VPS13A: variants seen among roughly 807,000 people sequenced by gnomAD.
VPS13A encodes the protein vacuolar protein sorting 13 homolog A.
In VPS13A, 264 loss-of-function variants were observed where a neutral mutation model predicts 390.9. The ratio of observed to expected loss-of-function variants is 0.68; its 90% CI spans 0.61 to 0.75. VPS13A has a LOEUF of 0.75. Among genes scored for constraint, VPS13A ranks in the 30% least tolerant of loss-of-function variants. The pLI, the probability that VPS13A is intolerant of heterozygous loss-of-function variation, is 0.00. For synonymous variants in VPS13A, 1,231 were observed against 1,227.1 expected (o/e 1.00, Z -0.07); for missense variants, 3,409 against 3,733.9 (o/e 0.91, Z 2.27).
intron 19 of VPS13A, among the ~76,000 whole-genome samples, chr9:77,246,687 G>A (rs1824834688): frequency 6.6e-6 from 1 of 152,052 alleles, no homozygotes; most frequent in African/African-American, 2.4e-5. Flanking sequence ...GATGAATTTG[G>A]TATACTAATC....
Position 77,351,457 on chromosome 9 carries a change from G to T in VPS13A, c.7419+11G>T. ...GTAACACAGAAGGATGTAAGTATTG[G>T]GTTATTATGGTGTTCCCAGCAGCCT... On this transcript the variant is annotated intron_variant, in intron 53 of 71. Coordinates refer to ENST00000360280, the MANE Select transcript of VPS13A (RefSeq NM_033305.3). The T allele has an allele frequency of 6.2e-7, 1 of 1,612,014 alleles. No individual in the cohort carries two copies. Among genetic ancestry groups the T allele is most frequent in the South Asian group, 1.1e-5 (1 of 91,054 alleles).
intron 68 of VPS13A, among the ~76,000 whole-genome samples, chr9:77,395,252 T>C (rs544204862): frequency 2.0e-5 from 3 of 152,284 alleles, no homozygotes; most frequent in South Asian, 2.1e-4. Flanking sequence ...GGGCTGTTAA[T>C]TGGCCTAATT....
intron 54 of VPS13A, among the ~76,000 whole-genome samples, chr9:77,354,329 G>A (rs1831639015): frequency 6.6e-6 from 1 of 151,788 alleles, no homozygotes; most frequent in Non-Finnish European, 1.5e-5. Context: ...ACCTCTTATT[G>A]AATTGAATCA....
chr9:77,314,144 G>A (rs765794107), intron 36 of VPS13A, 25 bp downstream of exon 36: 23 of 1,611,018 alleles, frequency 1.4e-5, no homozygotes, highest in Non-Finnish European at 1.7e-5. Flanking sequence ...AAAAGAAAAT[G>A]TATTTTCACA....
intron 10 of VPS13A, among the ~76,000 whole-genome samples, chr9:77,217,430 A>C (rs1822925410): frequency 6.6e-6 from 1 of 152,130 alleles, no homozygotes; most frequent in Admixed American, 6.5e-5. Flanking sequence ...CATTGTCCCC[A>C]TTAAGTAATT....
chr9:77,289,717 T>C (rs1827539402), intron 31 of VPS13A, among the ~76,000 whole-genome samples: 1 of 152,192 alleles, frequency 6.6e-6, no homozygotes, highest in Non-Finnish European at 1.5e-5. Context: ...ATTGCAACTC[T>C]TTCTGTAACT....
intron 1 of VPS13A, among the ~76,000 whole-genome samples, chr9:77,181,113 T>G (rs72740389): frequency 0.018 from 2,762 of 152,350 alleles, 34 homozygotes; most frequent in Non-Finnish European, 0.028. Context: ...TTTTGATAAA[T>G]GAAACTTTAA....
chr9:77,390,379 A>G (rs780545281), intron 68 of VPS13A, among the ~76,000 whole-genome samples: 3 of 152,132 alleles, frequency 2.0e-5, no homozygotes, highest in Non-Finnish European at 4.4e-5. Flanking sequence ...AATCTCTTGG[A>G]GAGACTGTCA....
chr9:77,210,499 C>T lies in VPS13A; in HGVS notation c.496-117C>T, dbSNP rs1218485278. On this transcript the variant is annotated intron_variant, in intron 6 of 71. Transcript: ENST00000360280. ...GCTCAAGCAGTCCTCCTGCCTTGGC[C>T]TTCCAGAGTGCTGGGATTACAGATG... 7 of 977,342 alleles carry T rather than the reference C, an allele frequency of 7.2e-6. No homozygotes were observed. In the Admixed American group the frequency reaches 1.4e-4, roughly 19 times the overall value. The allele number at this position is 977,342 out of a possible 1,614,324, so 60.5% of individuals were successfully genotyped here. A position where few individuals can be genotyped will look rare whatever the true frequency, so the allele number is the denominator to read the frequency against.
intron 40 of VPS13A, 25 bp downstream of exon 40, chr9:77,317,723 A>G: frequency 6.5e-7 from 1 of 1,526,984 alleles, no homozygotes; most frequent in Non-Finnish European, 8.9e-7. Context: ...AATCATTTGA[A>G]TATTTAGTGC....
At chr9:77,376,471 A>G (rs2131601131) in intron 67 of VPS13A, among the ~76,000 whole-genome samples, 1 of 152,300 alleles carries the variant, frequency 6.6e-6, no homozygotes, top group South Asian at 2.1e-4. Context: ...CGACTATTAG[A>G]GTACTAGAGA....
chr9:77,220,077 C>G lies in VPS13A; in HGVS notation c.878C>G (p.Pro293Arg). 1 of 1,605,578 alleles carries G rather than the reference C, an allele frequency of 6.2e-7. No homozygotes were observed. Among genetic ancestry groups the G allele is most frequent in the South Asian group, 1.1e-5 (1 of 89,996 alleles). The change falls in exon 11 of 72, where the codon CCA (proline) becomes CGA (arginine). Residue 293 changes from proline to arginine, a missense_variant. Physicochemically the swap from Pro to Arg is moderately radical, Grantham distance 103. Around this residue, in one of 5 missense-constraint regions of VPS13A, gnomAD observed 2,717 missense variants for 2,917.4 expected, o/e 0.93. Transcript: ENST00000360280. ...AACATAGCAATTGAATTTAATAAACCACAGGTGATTTTCTTTAATATAATT... is the reference window on the plus strand; with the variant it reads ...AACATAGCAATTGAATTTAATAAACGACAGGTGATTTTCTTTAATATAATT... The part of the protein sequence containing the change: ...LHNIAIEFNK[P>R]QYFSIMELLE...
chr9:77,250,362 T>C (rs1211351976), intron 21 of VPS13A, 133 bp downstream of exon 21: 2 of 1,127,764 alleles, frequency 1.8e-6, no homozygotes, highest in African/African-American at 1.5e-5. Context: ...TAGTAAATAT[T>C]GTCTAGCTGT....
intron 70 of VPS13A, 94 bp from the exon 71 acceptor site, chr9:77,407,439 C>T (rs1489056582): frequency 9.9e-6 from 10 of 1,006,222 alleles, no homozygotes; most frequent in Non-Finnish European, 1.3e-5. Flanking sequence ...AAGAGGGACA[C>T]TTTAGGCATA....
At chr9:77,358,818 C>G (rs1831962994) in intron 57 of VPS13A, among the ~76,000 whole-genome samples, 1 of 151,998 alleles carries the variant, frequency 6.6e-6, no homozygotes, top group African/African-American at 2.4e-5. Flanking sequence ...CGGACAAGTC[C>G]TTTCTACCCT....
intron 33 of VPS13A, among the ~76,000 whole-genome samples, chr9:77,302,367 CCTTTTTTTT>C (rs1158602354): frequency 9.6e-5 from 13 of 136,044 alleles, no homozygotes; most frequent in Non-Finnish European, 1.9e-4. Flanking sequence ...ATATTTTTCC[CCTTTTTTTT>C]TTTTTTTTTT....
Position 77,416,486 on chromosome 9 carries a change from G to T in VPS13A, c.*480G>T. 6.4e-6 allele frequency: 1 copy of T among 155,252 alleles called. No homozygotes were observed. Among genetic ancestry groups the T allele is most frequent in the Non-Finnish European group, 1.4e-5 (1 of 70,014 alleles). 9.6% of individuals were successfully genotyped at this position (155,252 alleles called of 1,614,324 possible). On this transcript the variant is annotated 3_prime_UTR_variant, in exon 72 of 72. Transcript: ENST00000360280. ...GTGGTATCAAGAGAACTTTGGTGGTGGTTTCTTCAGAATCATGAAGTTCTT... is the reference window on the plus strand; with the variant it reads ...GTGGTATCAAGAGAACTTTGGTGGTTGTTTCTTCAGAATCATGAAGTTCTT...
intron 46 of VPS13A, among the ~76,000 whole-genome samples, chr9:77,335,576 T>A (rs1830497013): frequency 6.6e-6 from 1 of 152,180 alleles, no homozygotes; most frequent in Non-Finnish European, 1.5e-5. Flanking sequence ...AGAAGACATT[T>A]ATGTGGCCAA....
At chr9:77,360,398 T>C (rs1295199237) in intron 58 of VPS13A, 138 bp from the exon 59 acceptor site, 1 of 641,164 alleles carries the variant, frequency 1.6e-6, no homozygotes, top group Non-Finnish European at 2.7e-6. Flanking sequence ...TGTTCCATGA[T>C]TTTTTAAAAT....
Sources: gnomAD v4.1 joint callset for allele counts (sites outside exome capture counted in the v4.1 genomes callset) on GRCh38, gnomAD v4.1.1 for gene constraint, gnomAD v4.1.1 regional missense constraint, MANE v1.5 for transcripts, NCBI Gene and HGNC (gene_info 2026-07-23, HGNC 2026-07-21) for gene names.